KLHL1: variants seen among roughly 807,000 people sequenced by gnomAD.
The protein encoded by KLHL1 is kelch-like protein 1.
Under a neutral mutation model 77.7 loss-of-function variants are expected in KLHL1, and 47 were observed. That is an observed-to-expected ratio of 0.60 (90% CI 0.48 to 0.77). KLHL1 has a LOEUF of 0.77. Among genes scored for constraint, KLHL1 ranks in the 30% least tolerant of loss-of-function variants. The probability of loss-of-function intolerance (pLI) is 0.00; values close to 1 mark genes in which losing one functional copy is unlikely to be tolerated. For missense variants in KLHL1, 925 were observed against 910.8 expected (o/e 1.02, Z -0.20); for synonymous variants, 360 against 325.2 (o/e 1.11, Z -1.15).
At chr13:70,102,087 T>C (rs1887936030) in intron 1 of KLHL1, among the ~76,000 whole-genome samples, 2 of 152,182 alleles carry the variant, frequency 1.3e-5, no homozygotes, top group African/African-American at 2.4e-5. Context: ...ACCACGTTCC[T>C]GAGAAAGTAG....
Position 69,790,787 on chromosome 13 carries a change from C to T in KLHL1, c.1639+5951G>A, listed in dbSNP as rs190149267. Reference sequence around the variant, plus strand: ...ACTAGGGGCCAGGCAAGGTGGCTCACGCTTGTAATCCCAGCACTTTGGGAG... The same window carrying T: ...ACTAGGGGCCAGGCAAGGTGGCTCATGCTTGTAATCCCAGCACTTTGGGAG... On this transcript the variant is annotated intron_variant, in intron 7 of 10. Coordinates refer to ENST00000377844, the MANE Select transcript of KLHL1 (RefSeq NM_020866.3). Among the ~76,000 whole-genome samples, 11 of 152,106 alleles carry T rather than the reference C, an allele frequency of 7.2e-5. No individual in the cohort carries two copies. The East Asian group carries it at 7.8e-4, about 11-fold the overall frequency.
chr13:70,019,850 A>G (rs1885745653), intron 1 of KLHL1, among the ~76,000 whole-genome samples: 2 of 152,196 alleles, frequency 1.3e-5, no homozygotes, highest in Admixed American at 1.3e-4. Flanking sequence ...GACAGTGTTA[A>G]GATATGTATA....
At chr13:69,843,191 C>T (rs929254297) in intron 5 of KLHL1, among the ~76,000 whole-genome samples, 1 of 151,580 alleles carries the variant, frequency 6.6e-6, no homozygotes, top group Admixed American at 6.6e-5. Flanking sequence ...ACGCCAAATA[C>T]CCTGCCTTGA....
At chr13:69,734,014 A>G (rs907847015) in intron 8 of KLHL1, among the ~76,000 whole-genome samples, 3 of 152,196 alleles carry the variant, frequency 2.0e-5, no homozygotes, top group Admixed American at 2.0e-4. Context: ...TAATTGACAG[A>G]GTTTGGATGT....
At chr13:70,016,662 G>A (rs191646285) in intron 1 of KLHL1, among the ~76,000 whole-genome samples, 2 of 152,108 alleles carry the variant, frequency 1.3e-5, no homozygotes, top group South Asian at 2.1e-4. Context: ...AGGCCTGCAG[G>A]TGCCCCTCCG....
intron 1 of KLHL1, among the ~76,000 whole-genome samples, chr13:70,049,313 A>G (rs1172422522): frequency 2.0e-5 from 3 of 152,190 alleles, no homozygotes; most frequent in Non-Finnish European, 2.9e-5. Flanking sequence ...TGAATAAAAA[A>G]TAATTAATTA....
intron 1 of KLHL1, among the ~76,000 whole-genome samples, chr13:70,012,343 A>C (rs1885555671): frequency 6.6e-6 from 1 of 152,140 alleles, no homozygotes; most frequent in Non-Finnish European, 1.5e-5. Context: ...GGAAACTAGA[A>C]ATTGTATTTA....
chr13:69,816,607 T>A (rs1050307801), intron 6 of KLHL1, among the ~76,000 whole-genome samples: 1 of 152,156 alleles, frequency 6.6e-6, no homozygotes, highest in Non-Finnish European at 1.5e-5. Flanking sequence ...TGTTCTACCA[T>A]AAATATTTCT....
intron 5 of KLHL1, among the ~76,000 whole-genome samples, chr13:69,872,898 T>C (rs971566733): frequency 3.3e-5 from 5 of 152,090 alleles, no homozygotes; most frequent in Non-Finnish European, 1.5e-5. Context: ...CATCTTTCAT[T>C]AGGCCCCACC....
chr13:69,837,792 T>G (rs1593875316), intron 6 of KLHL1, among the ~76,000 whole-genome samples: 1 of 150,992 alleles, frequency 6.6e-6, no homozygotes, highest in Non-Finnish European at 1.5e-5. Context: ...GACATTTTAT[T>G]GTGTTTTAAA....
intron 1 of KLHL1, among the ~76,000 whole-genome samples, chr13:70,016,261 G>A (rs958088954): frequency 6.6e-6 from 1 of 152,212 alleles, no homozygotes; most frequent in Admixed American, 6.5e-5. Flanking sequence ...AGGGCTGTGT[G>A]CTCCAGAGCT....
intron 1 of KLHL1, among the ~76,000 whole-genome samples, chr13:69,985,537 T>C (rs1268736053): frequency 6.6e-6 from 1 of 151,552 alleles, no homozygotes; most frequent in Non-Finnish European, 1.5e-5. Context: ...TCATATTATG[T>C]TGGTGGGAAT....
chr13:69,781,211 T>A (rs1034366244), intron 7 of KLHL1, among the ~76,000 whole-genome samples: 1 of 151,848 alleles, frequency 6.6e-6, no homozygotes, highest in East Asian at 1.9e-4. Flanking sequence ...TTCCTCTACC[T>A]TTCCTGAAAA....
At chr13:70,088,906 C>T (rs1175879880) in intron 1 of KLHL1, among the ~76,000 whole-genome samples, 1 of 151,652 alleles carries the variant, frequency 6.6e-6, no homozygotes, top group East Asian at 1.9e-4. Flanking sequence ...GGGAAAACAA[C>T]CTTGGCTCAT....
intron 1 of KLHL1, among the ~76,000 whole-genome samples, chr13:69,991,248 GA>G (rs2137312968): frequency 6.6e-6 from 1 of 151,902 alleles, no homozygotes; most frequent in Admixed American, 6.6e-5. Flanking sequence ...AGGAGAACTA[GA>G]AAAACAAGAG....
At chr13:70,075,654 T>C (rs1887250606) in intron 1 of KLHL1, among the ~76,000 whole-genome samples, 2 of 143,518 alleles carry the variant, frequency 1.4e-5, no homozygotes, top group Non-Finnish European at 3.0e-5. Flanking sequence ...CTTTTATATA[T>C]ATACCTATGT....
rs370170445 is a variant in KLHL1 at position 69,872,312 on chromosome 13, TTACAGCCTCCTGCCC to T, written c.1227+9956_1227+9970del. ...AATAAACATGAGCAATCGGCCTGTT[TTACAGCCTCCTGCCC>T]TACAGCCTCCTGTAGCTTGTTACTT... On this transcript the variant is annotated intron_variant, in intron 5 of 10. Coordinates refer to ENST00000377844, the MANE Select transcript of KLHL1 (RefSeq NM_020866.3). Among the ~76,000 whole-genome samples the T allele has an allele frequency of 5.4e-3, 817 of 152,218 alleles. 5 individuals carry two copies. The highest frequency in any genetic ancestry group is 0.018 in the African/African-American group (735 of 41,546).
In KLHL1 at chr13:69,762,732, C is replaced by T. The variant is rs189730550; in HGVS notation, c.1640-22176G>A. Reference sequence around the variant, plus strand: ...TTCCCAAGATCATAAGTTAAGATTTCTCTGCCATCATGAGACTCTTACCTC... The same window carrying T: ...TTCCCAAGATCATAAGTTAAGATTTTTCTGCCATCATGAGACTCTTACCTC... On this transcript the variant is annotated intron_variant, in intron 7 of 10. Coordinates refer to ENST00000377844, the MANE Select transcript of KLHL1 (RefSeq NM_020866.3). Among the ~76,000 whole-genome samples the T allele has an allele frequency of 2.0e-5, 3 of 149,866 alleles. No individual in the cohort carries two copies. In the Admixed American group the frequency reaches 2.0e-4, roughly 10 times the overall value.
At chr13:69,958,607 T>C (rs994605742) in intron 3 of KLHL1, among the ~76,000 whole-genome samples, 3 of 151,890 alleles carry the variant, frequency 2.0e-5, no homozygotes, top group African/African-American at 4.8e-5. Context: ...AAATGTTATA[T>C]GTTTAAATCA....
Sources: gnomAD v4.1 joint callset for allele counts (sites outside exome capture counted in the v4.1 genomes callset) on GRCh38, gnomAD v4.1.1 for gene constraint, MANE v1.5 for transcripts, NCBI Gene and HGNC (gene_info 2026-07-23, HGNC 2026-07-21) for gene names.